The following ALCAM variants were observed in gnomAD, a reference collection of about 807,000 sequenced individuals.
ALCAM encodes activated leukocyte cell adhesion molecule.
A neutral mutation model predicts 70.9 loss-of-function variants in ALCAM; 30 were observed. The ratio of observed to expected loss-of-function variants is 0.42; its 90% confidence interval spans 0.32 to 0.57. The LOEUF is 0.57. Ranked by LOEUF, ALCAM falls within the 20% of genes least tolerant of loss-of-function variation. ALCAM has a pLI of 0.11. For synonymous variants in ALCAM, 249 were observed against 242.5 expected, an observed-to-expected ratio of 1.03 and a Z score of -0.25; for missense variants, 591 against 695.1, an observed-to-expected ratio of 0.85 and a Z score of 1.68.
In ALCAM at chr3:105,511,324, A is replaced by G. The variant is rs1939230476; in HGVS notation, c.74-8743A>G. ...ATTTTATCTTCAGATAGCAGATTAT[A>G]CTGATTTCCCAAGTGTATGTGACTA... is the stretch of plus-strand genomic sequence containing the variant. On this transcript the variant is annotated intron_variant, in intron 1 of 15. Coordinates refer to ENST00000306107, the MANE Select transcript of ALCAM (RefSeq NM_001627.4). Among the ~76,000 whole-genome samples, 3 of 152,032 alleles carry G rather than the reference A, an allele frequency of 2.0e-5. No individual in the cohort carries two copies. The South Asian group carries it at 6.2e-4, about 31-fold the overall frequency.
intron 1 of ALCAM, among the ~76,000 whole-genome samples, chr3:105,467,607 C>T (rs1194559447): frequency 6.6e-6 from 1 of 151,018 alleles, no homozygotes; most frequent in African/African-American, 2.4e-5. Flanking sequence ...GGGACGAGTA[C>T]TTAATTAGAA....
At chr3:105,531,965 A>G (rs750658744) in intron 3 of ALCAM, 37 bp from the exon 4 acceptor site, 12 of 1,552,690 alleles carry the variant, frequency 7.7e-6, no homozygotes, top group African/African-American at 1.4e-5. Context: ...CGTTTTTCTT[A>G]CATATGTACT....
At chr3:105,368,857 GA>G (rs1012209712) in intron 1 of ALCAM, among the ~76,000 whole-genome samples, 1 of 151,866 alleles carries the variant, frequency 6.6e-6, no homozygotes, top group African/African-American at 2.4e-5. Flanking sequence ...GAGGCTGAGG[GA>G]AAAAAAAGGC....
intron 1 of ALCAM, among the ~76,000 whole-genome samples, chr3:105,486,056 T>G (rs1938420171): frequency 6.6e-6 from 1 of 152,084 alleles, no homozygotes; most frequent in South Asian, 2.1e-4. Context: ...AAACAGTTGT[T>G]TCTGTAACTA....
At chr3:105,390,489 C>T (rs986206961) in intron 1 of ALCAM, among the ~76,000 whole-genome samples, 1 of 151,940 alleles carries the variant, frequency 6.6e-6, no homozygotes, top group Non-Finnish European at 1.5e-5. Context: ...CTTGCAGACC[C>T]TGGATATTAG....
rs996840691 is a variant in ALCAM at position 105,534,718 on chromosome 3, G to A, written c.603G>A (p.Met201Ile). ...ACCCAGTGACTCAGCTCTATACCAT[G>A]ACTTCCACCCTGGAGTACAAGACAA... The part of the protein sequence containing the change: ...EMDPVTQLYT[M>I]TSTLEYKTTK... Residue 201 changes from methionine (M) to isoleucine (I), a missense_variant, in exon 6 of 16, where the codon ATG (methionine) becomes ATA (isoleucine). Physicochemically the swap from Met to Ile is conservative, Grantham distance 10 (BLOSUM62 1). This residue lies in a region of ALCAM where 427 missense variants were observed against 450.4 expected (regional missense o/e 0.95). Coordinates refer to ENST00000306107, the MANE Select transcript of ALCAM (RefSeq NM_001627.4). 6.2e-6 allele frequency: 10 copies of A among 1,613,734 alleles called. No individual in the cohort carries two copies. Among genetic ancestry groups the A allele is most frequent in the East Asian group, 2.2e-5 (1 of 44,850 alleles).
At chr3:105,567,721 A>C (rs1940775077) in intron 14 of ALCAM, among the ~76,000 whole-genome samples, 1 of 152,134 alleles carries the variant, frequency 6.6e-6, no homozygotes, top group South Asian at 2.1e-4. Context: ...GTATTATATA[A>C]TTGACTTAAA....
At chr3:105,451,404 T>C (rs779499532) in intron 1 of ALCAM, among the ~76,000 whole-genome samples, 1 of 152,026 alleles carries the variant, frequency 6.6e-6, no homozygotes, top group Non-Finnish European at 1.5e-5. Flanking sequence ...TGGAATAAGC[T>C]GTCCTGTTAA....
intron 3 of ALCAM, among the ~76,000 whole-genome samples, chr3:105,526,732 A>G (rs181812677): frequency 5.9e-5 from 9 of 152,300 alleles, no homozygotes; most frequent in Admixed American, 4.6e-4. Context: ...TTTGTTTTCA[A>G]TGAATTTACT....
intron 1 of ALCAM, among the ~76,000 whole-genome samples, chr3:105,507,541 G>A (rs1939112505): frequency 6.6e-6 from 1 of 151,984 alleles, no homozygotes; most frequent in Non-Finnish European, 1.5e-5. Context: ...TTTCAGACTG[G>A]CTTCTTTTAC....
chr3:105,413,677 G>T (rs1245968178), intron 1 of ALCAM, among the ~76,000 whole-genome samples: 1 of 152,152 alleles, frequency 6.6e-6, no homozygotes, highest in Non-Finnish European at 1.5e-5. Flanking sequence ...AATCTCCATA[G>T]TTGACATAGA....
At chr3:105,535,060 A>G (rs570947513) in intron 6 of ALCAM, among the ~76,000 whole-genome samples, 21 of 152,214 alleles carry the variant, frequency 1.4e-4, no homozygotes, top group African/African-American at 3.9e-4. Flanking sequence ...TCTACATTTT[A>G]TCTATGAGTG....
In ALCAM at chr3:105,524,294, G is replaced by A. The variant is rs751401355; in HGVS notation, c.180G>A (p.Lys60=). The change falls in exon 3 of 16, where the codon AAG becomes AAA. Residue 60 remains lysine (K), a synonymous_variant. Transcript: ENST00000306107. ...ATTATTATTTTAATTTTTAGGAAAA[G>A]CCCGATGGCTCCCCAGTATTTATTG... ...NLMFGKWKYE[K]PDGSPVFIAF... is the part of the protein sequence containing the mutation. 1.9e-6 allele frequency: 3 copies of A among 1,612,324 alleles called. No homozygotes were observed. The highest frequency in any genetic ancestry group is 1.7e-6 in the Non-Finnish European group (2 of 1,179,066).
chr3:105,528,966 A>T (rs1032609448), intron 3 of ALCAM, among the ~76,000 whole-genome samples: 1 of 152,196 alleles, frequency 6.6e-6, no homozygotes, highest in Admixed American at 6.5e-5. Flanking sequence ...TGTTGCCATG[A>T]ATATCAGCTG....
At chr3:105,458,428 A>G (rs940362696) in intron 1 of ALCAM, among the ~76,000 whole-genome samples, 2 of 152,196 alleles carry the variant, frequency 1.3e-5, no homozygotes, top group African/African-American at 4.8e-5. Context: ...CAGCATGCAG[A>G]GAAATGTAAA....
chr3:105,518,817 T>A (rs896282935), intron 1 of ALCAM, among the ~76,000 whole-genome samples: 1 of 152,074 alleles, frequency 6.6e-6, no homozygotes, highest in African/African-American at 2.4e-5. Context: ...CTAGTTGTTA[T>A]GTTGCATATT....
chr3:105,503,833 C>T (rs2152617104), intron 1 of ALCAM, among the ~76,000 whole-genome samples: 1 of 152,288 alleles, frequency 6.6e-6, no homozygotes, highest in Non-Finnish European at 1.5e-5. Flanking sequence ...CAGCCTTTCT[C>T]TTGCAAGGAG....
At chr3:105,573,679 G>GAAGA (rs1940903697) in intron 15 of ALCAM, among the ~76,000 whole-genome samples, 1 of 152,134 alleles carries the variant, frequency 6.6e-6, no homozygotes, top group Non-Finnish European at 1.5e-5. Context: ...CAAGCAAATA[G>GAAGA]AAGAGCCATT....
At chr3:105,562,841 T>C (rs1180802773) in intron 14 of ALCAM, among the ~76,000 whole-genome samples, 2 of 152,230 alleles carry the variant, frequency 1.3e-5, no homozygotes, top group African/African-American at 2.4e-5. Flanking sequence ...GTTTCACTCT[T>C]GTTGCCCAGG....
Sources: gnomAD v4.1 joint callset for allele counts (sites outside exome capture counted in the v4.1 genomes callset) on GRCh38, gnomAD v4.1.1 for gene constraint, gnomAD v4.1.1 regional missense constraint, MANE v1.5 for transcripts, NCBI Gene and HGNC (gene_info 2026-07-23, HGNC 2026-07-21) for gene names.